The following GRIK4 variants were observed in gnomAD, a reference collection of about 807,000 sequenced individuals.
GRIK4 encodes the protein glutamate ionotropic receptor kainate type subunit 4.
GRIK4 carries 40 observed loss-of-function variants against 104.9 expected under a neutral mutation model. That is an observed-to-expected ratio of 0.38 (90% CI 0.30 to 0.50). The LOEUF is 0.50. GRIK4 is among the 20% of genes least tolerant of loss of function. GRIK4 has a pLI of 0.93. For synonymous variants in GRIK4, 485 were observed against 524.9 expected (o/e 0.92, Z 1.04); for missense variants, 1,047 against 1,308.1 (o/e 0.80, Z 3.08).
chr11:120,986,435 C>A lies in GRIK4; in HGVS notation c.*175C>A. Reference sequence around the variant, plus strand: ...CTGACGCCCCAGCCAGAGACCGCGCCCGGTCAGGGAGCAGGGTCCACCCGG... The same window carrying A: ...CTGACGCCCCAGCCAGAGACCGCGCACGGTCAGGGAGCAGGGTCCACCCGG... On this transcript the variant is annotated 3_prime_UTR_variant, in exon 21 of 21. Coordinates refer to ENST00000527524, the MANE Select transcript of GRIK4 (RefSeq NM_014619.5). 1 of 896,434 alleles carries A rather than the reference C, an allele frequency of 1.1e-6. No homozygotes were observed. The highest frequency in any genetic ancestry group is 1.6e-6 in the Non-Finnish European group (1 of 634,606). The allele number at this position is 896,434 out of a possible 1,614,324, so 55.5% of individuals were successfully genotyped here.
At chr11:120,871,499 C>A (rs901078799) in intron 9 of GRIK4, 3 of 415,520 alleles carry the variant, frequency 7.2e-6, no homozygotes, top group Non-Finnish European at 1.5e-5. Flanking sequence ...GCTCAGCCCA[C>A]CTCATCCTAG....
intron 13 of GRIK4, among the ~76,000 whole-genome samples, chr11:120,912,983 G>A (rs1022573724): frequency 3.3e-5 from 5 of 152,198 alleles, no homozygotes; most frequent in African/African-American, 7.2e-5. Flanking sequence ...GCAAGTATCT[G>A]TCTGGGCATT....
intron 3 of GRIK4, among the ~76,000 whole-genome samples, chr11:120,706,946 C>T (rs1248784083): frequency 6.6e-6 from 1 of 152,190 alleles, no homozygotes; most frequent in Non-Finnish European, 1.5e-5. Flanking sequence ...GTGCTGTGAC[C>T]TGATACCATG....
At chr11:120,975,707 G>A (rs1398117091) in intron 19 of GRIK4, among the ~76,000 whole-genome samples, 1 of 152,256 alleles carries the variant, frequency 6.6e-6, no homozygotes, top group Non-Finnish European at 1.5e-5. Flanking sequence ...AGGTTCCCAG[G>A]AATGTGTTCA....
Position 120,832,086 on chromosome 11 carries a change from T to G in GRIK4, c.690+56T>G, listed in dbSNP as rs1309111187. The stretch of plus-strand genomic sequence containing the variant: ...GCTGAGCTCCACCCTCCCCCCTCCT[T>G]GCCTTGAGGGTCCTCCTGAGCTGAG... On this transcript the variant is annotated intron_variant, in intron 7 of 20. Coordinates refer to ENST00000527524, the MANE Select transcript of GRIK4 (RefSeq NM_014619.5). 3.2e-6 allele frequency: 4 copies of G among 1,259,172 alleles called. No individual in the cohort carries two copies. The African/African-American group carries it at 4.4e-5, about 14-fold the overall frequency. 78.0% of individuals were successfully genotyped at this position (1,259,172 alleles called of 1,614,324 possible). A position where few individuals can be genotyped will look rare whatever the true frequency, so the allele number is the denominator to read the frequency against.
chr11:120,582,675 G>A (rs1018754677), intron 1 of GRIK4, among the ~76,000 whole-genome samples: 4 of 152,150 alleles, frequency 2.6e-5, no homozygotes, highest in African/African-American at 7.2e-5. Context: ...ATGTTGCTGC[G>A]AAGGACATTA....
intron 3 of GRIK4, among the ~76,000 whole-genome samples, chr11:120,748,485 T>C (rs968787248): frequency 1.3e-5 from 2 of 152,042 alleles, no homozygotes; most frequent in Non-Finnish European, 2.9e-5. Flanking sequence ...ACCCACAGTT[T>C]CCACTCTCCC....
intron 19 of GRIK4, among the ~76,000 whole-genome samples, chr11:120,981,446 A>G (rs1944650680): frequency 6.6e-6 from 1 of 152,190 alleles, no homozygotes; most frequent in African/African-American, 2.4e-5. Context: ...AAACTTCTGT[A>G]AAAATACAGA....
chr11:120,582,226 A>G (rs2135096778), intron 1 of GRIK4, among the ~76,000 whole-genome samples: 1 of 151,900 alleles, frequency 6.6e-6, no homozygotes, highest in African/African-American at 2.4e-5. Flanking sequence ...CTGAAAAGTA[A>G]TAACAGTCTT....
At chr11:120,536,482 A>G (rs1013337544) in intron 1 of GRIK4, among the ~76,000 whole-genome samples, 3 of 152,226 alleles carry the variant, frequency 2.0e-5, no homozygotes, top group Non-Finnish European at 4.4e-5. Flanking sequence ...TGGTTGAACA[A>G]TTGGACCTGG....
At chr11:120,913,516 C>T (rs981296513) in intron 13 of GRIK4, among the ~76,000 whole-genome samples, 7 of 151,538 alleles carry the variant, frequency 4.6e-5, no homozygotes, top group African/African-American at 1.7e-4. Context: ...GAGTAAAGCA[C>T]ATTTGGGAAG....
At chr11:120,971,975 G>T (rs895011102) in intron 19 of GRIK4, among the ~76,000 whole-genome samples, 1 of 152,346 alleles carries the variant, frequency 6.6e-6, no homozygotes, top group East Asian at 1.9e-4. Flanking sequence ...AATGGGAGCT[G>T]CTGGGGATCT....
chr11:120,888,512 G>A (rs769500370), intron 11 of GRIK4, among the ~76,000 whole-genome samples: 3 of 152,148 alleles, frequency 2.0e-5, no homozygotes, highest in Non-Finnish European at 4.4e-5. Context: ...TTATACTGTA[G>A]TTAGTCCTTC....
rs1482051432 is a variant in GRIK4, at chr11:120,939,961, C to CA, written c.1477-385dup. On this transcript the variant is annotated intron_variant, in intron 13 of 20. Transcript: ENST00000527524. The surrounding 1 kb of genome is among the most constrained non-coding windows in gnomAD (Gnocchi z 5.6). ...CGCCACTGCACTCCAGCCTGGGCGA[C>CA]AGAGGGAGACCCTGTATCCAGAAAA... Among the ~76,000 whole-genome samples the CA allele has an allele frequency of 6.6e-6, 1 of 150,688 alleles. No homozygotes were observed. The highest frequency in any genetic ancestry group is 1.5e-5 in the Non-Finnish European group (1 of 67,832).
At chr11:120,620,212 A>G (rs1467244167) in intron 1 of GRIK4, 1 of 786,912 alleles carries the variant, frequency 1.3e-6, no homozygotes, top group East Asian at 2.4e-5. Flanking sequence ...TATCAATTTG[A>G]CATACATGGC....
intron 1 of GRIK4, among the ~76,000 whole-genome samples, chr11:120,562,276 G>A (rs1420144419): frequency 6.6e-6 from 1 of 152,216 alleles, no homozygotes; most frequent in Non-Finnish European, 1.5e-5. Flanking sequence ...CTCCAAAGCC[G>A]AGACTTTTAA....
intron 9 of GRIK4, among the ~76,000 whole-genome samples, chr11:120,865,016 G>T (rs1954369500): frequency 6.6e-6 from 1 of 152,224 alleles, no homozygotes; most frequent in Non-Finnish European, 1.5e-5. Flanking sequence ...TTATTGTGAA[G>T]ACGGAATCAG....
chr11:120,514,624 C>T (rs1390231404), intron 1 of GRIK4, among the ~76,000 whole-genome samples: 1 of 152,158 alleles, frequency 6.6e-6, no homozygotes, highest in Non-Finnish European at 1.5e-5. Flanking sequence ...GCTCTGTAGT[C>T]TCCTCAGCCT....
At chr11:120,666,129 T>C (rs1019879528) in intron 3 of GRIK4, among the ~76,000 whole-genome samples, 1 of 152,208 alleles carries the variant, frequency 6.6e-6, no homozygotes, top group African/African-American at 2.4e-5. Context: ...CCCAACCGCC[T>C]GGGTGACATT....
Sources: gnomAD v4.1 joint callset for allele counts (sites outside exome capture counted in the v4.1 genomes callset) on GRCh38, gnomAD v4.1.1 for gene constraint, Gnocchi (gnomAD v3.1) non-coding constraint, MANE v1.5 for transcripts, NCBI Gene and HGNC (gene_info 2026-07-23, HGNC 2026-07-21) for gene names.